ZDHHC21: variants seen among roughly 807,000 people sequenced by gnomAD.
ZDHHC21 encodes palmitoyltransferase ZDHHC21.
Under a neutral mutation model 34.6 loss-of-function variants are expected in ZDHHC21, and 15 were observed. The observed-to-expected ratio is 0.43, with a 90% CI of 0.29 to 0.67. The LOEUF is 0.67. ZDHHC21 is among the 30% of genes least tolerant of loss of function. The probability of loss-of-function intolerance (pLI) is 0.14; values close to 1 mark genes in which losing one functional copy is unlikely to be tolerated. For synonymous variants in ZDHHC21, 142 were observed against 101.8 expected (o/e 1.40, Z -2.38); for missense variants, 344 against 327.7 (o/e 1.05, Z -0.38).
intron 7 of ZDHHC21, among the ~76,000 whole-genome samples, chr9:14,655,605 G>C (rs1832067101): frequency 6.6e-6 from 1 of 151,740 alleles, no homozygotes; most frequent in Non-Finnish European, 1.5e-5. Context: ...GTGCACAATG[G>C]TAAAGTACTA....
chr9:14,654,655 A>C (rs1333684159), intron 7 of ZDHHC21, among the ~76,000 whole-genome samples: 1 of 152,076 alleles, frequency 6.6e-6, no homozygotes, highest in Non-Finnish European at 1.5e-5. Flanking sequence ...TCACCACAGA[A>C]ATTATCAATG....
chr9:14,690,793 A>C (rs1191286451), intron 1 of ZDHHC21, among the ~76,000 whole-genome samples: 2 of 152,250 alleles, frequency 1.3e-5, no homozygotes, highest in African/African-American at 2.4e-5. Flanking sequence ...TGACTTATCA[A>C]GAATTCTTAA....
chr9:14,684,894 T>C (rs570233720), intron 2 of ZDHHC21, among the ~76,000 whole-genome samples: 18 of 152,122 alleles, frequency 1.2e-4, no homozygotes, highest in Admixed American at 3.3e-4. Flanking sequence ...CCAGAAATAA[T>C]AGCACACATC....
the ZDHHC21 span, among the ~76,000 whole-genome samples, chr9:14,602,374 G>C: frequency 6.6e-6 from 1 of 151,948 alleles, no homozygotes; most frequent in African/African-American, 2.4e-5. Context: ...CATCTTGGGA[G>C]TTCCATGAGA....
intron 5 of ZDHHC21, among the ~76,000 whole-genome samples, chr9:14,665,723 C>G (rs1229908195): frequency 1.4e-5 from 2 of 142,314 alleles, no homozygotes; most frequent in Middle Eastern, 3.2e-3. Context: ...AATTTTCAAC[C>G]CAGAATTTCA....
At chr9:14,686,439 C>T (rs1838334948) in intron 2 of ZDHHC21, among the ~76,000 whole-genome samples, 1 of 152,092 alleles carries the variant, frequency 6.6e-6, no homozygotes, top group Admixed American at 6.5e-5. Context: ...CTGGTTACCA[C>T]AGCAACAGCA....
intron 8 of ZDHHC21, among the ~76,000 whole-genome samples, chr9:14,634,215 C>T (rs1827865962): frequency 6.6e-6 from 1 of 152,206 alleles, no homozygotes; most frequent in African/African-American, 2.4e-5. Flanking sequence ...GGCTGGCCCA[C>T]CCAGCCCATT....
the ZDHHC21 span, among the ~76,000 whole-genome samples, chr9:14,597,802 C>T: frequency 2.0e-5 from 3 of 152,142 alleles, no homozygotes; most frequent in Non-Finnish European, 4.4e-5. Flanking sequence ...CTCACCACCA[C>T]CAGCACCTGT....
chr9:14,613,268 G>C lies in ZDHHC21; in HGVS notation c.*5698C>G, dbSNP rs1031095087. The C allele has an allele frequency of 6.6e-6, 1 of 151,812 alleles. No homozygotes were observed. Among genetic ancestry groups the C allele is most frequent in the African/African-American group, 2.4e-5 (1 of 41,404 alleles). 9.4% of individuals were successfully genotyped at this position (151,812 alleles called of 1,614,324 possible). A position where few individuals can be genotyped will look rare whatever the true frequency, so the allele number is the denominator to read the frequency against. On this transcript the variant is annotated 3_prime_UTR_variant, in exon 10 of 10. Transcript: ENST00000380916. ...CTACTTTATAAATACACAACGATGTGAGAAGAAAACTCAGTCAACCAAAAA... is the reference window on the plus strand; with the variant it reads ...CTACTTTATAAATACACAACGATGTCAGAAGAAAACTCAGTCAACCAAAAA...
chr9:14,683,362 G>A (rs1219891380), intron 2 of ZDHHC21, among the ~76,000 whole-genome samples: 2 of 152,118 alleles, frequency 1.3e-5, no homozygotes, highest in Admixed American at 1.3e-4. Context: ...AAATGATAAA[G>A]AGGATATCAC....
the ZDHHC21 span, among the ~76,000 whole-genome samples, chr9:14,596,978 T>C: frequency 1.3e-5 from 2 of 152,194 alleles, no homozygotes; most frequent in African/African-American, 4.8e-5. Context: ...GGAGAAACTT[T>C]CCAGTGCCGG....
At chr9:14,590,307 T>A in the ZDHHC21 span, among the ~76,000 whole-genome samples, 7 of 152,062 alleles carry the variant, frequency 4.6e-5, no homozygotes, top group East Asian at 1.4e-3. Context: ...TAGGTGACAA[T>A]ACTAAGTCAT....
In ZDHHC21 at chr9:14,611,524, G is replaced by A. The variant is rs1209369578; in HGVS notation, c.*7442C>T. ...CTCAGATCTATACATATTATGTACT[G>A]AATAATAAAATGCCTGACAAATTTA... On this transcript the variant is annotated 3_prime_UTR_variant, in exon 10 of 10. Coordinates refer to ENST00000380916, the MANE Select transcript of ZDHHC21 (RefSeq NM_178566.6). 6.6e-6 allele frequency: 1 copy of A among 151,980 alleles called. No individual in the cohort carries two copies. Among genetic ancestry groups the A allele is most frequent in the South Asian group, 2.1e-4 (1 of 4,826 alleles). 9.4% of individuals were successfully genotyped at this position (151,980 alleles called of 1,614,324 possible).
At chr9:14,692,918 T>C (rs549844130) in intron 1 of ZDHHC21, among the ~76,000 whole-genome samples, 1 of 151,796 alleles carries the variant, frequency 6.6e-6, no homozygotes, top group Admixed American at 6.6e-5. Flanking sequence ...AATAAATAAC[T>C]AGCCAACATC....
In ZDHHC21 at chr9:14,664,184, T is replaced by C. The variant is rs559943997; in HGVS notation, c.254-1858A>G. Among the ~76,000 whole-genome samples the C allele has an allele frequency of 1.4e-3, 205 of 149,292 alleles. 2 individuals are homozygous for C. The highest frequency in any genetic ancestry group is 4.3e-3 in the African/African-American group (175 of 40,948). ...GCGCGAGCCGAAGCAGGGCGAGGCA[T>C]TGCCTCACTCGGGAAGCGCAAGGGG... On this transcript the variant is annotated intron_variant, in intron 5 of 9. Coordinates refer to ENST00000380916, the MANE Select transcript of ZDHHC21 (RefSeq NM_178566.6).
chr9:14,626,591 A>T (rs978106701), intron 8 of ZDHHC21, among the ~76,000 whole-genome samples: 3 of 152,000 alleles, frequency 2.0e-5, no homozygotes, highest in African/African-American at 7.2e-5. Flanking sequence ...AGGAACATGC[A>T]TATGCTAAAG....
rs1339250204 is a variant in ZDHHC21, at chr9:14,619,558, C to A, written c.665+81G>T. 3.6e-6 allele frequency: 4 copies of A among 1,101,130 alleles called. No homozygotes were observed. In the Admixed American group the frequency reaches 7.6e-5, roughly 21 times the overall value. 68.2% of individuals were successfully genotyped at this position (1,101,130 alleles called of 1,614,324 possible). A position where few individuals can be genotyped will look rare whatever the true frequency, so the allele number is the denominator to read the frequency against. ...AAAAAGCCATCATTATATTATCTATCTACCATATGCACATATTTCTCAAGT... is the reference window on the plus strand; with the variant it reads ...AAAAAGCCATCATTATATTATCTATATACCATATGCACATATTTCTCAAGT... On this transcript the variant is annotated intron_variant, in intron 9 of 9. Coordinates refer to ENST00000380916, the MANE Select transcript of ZDHHC21 (RefSeq NM_178566.6).
intron 8 of ZDHHC21, among the ~76,000 whole-genome samples, chr9:14,632,278 A>T (rs1375082703): frequency 6.6e-6 from 1 of 152,146 alleles, no homozygotes. Context: ...CAGATAAATA[A>T]AATAGAGTTA....
chr9:14,639,494 C>G (rs1327071698), intron 8 of ZDHHC21, among the ~76,000 whole-genome samples: 2 of 152,046 alleles, frequency 1.3e-5, no homozygotes, highest in Non-Finnish European at 2.9e-5. Flanking sequence ...GTAACTAGCA[C>G]AGAGGACTTG....
Sources: gnomAD v4.1 joint callset for allele counts (sites outside exome capture counted in the v4.1 genomes callset) on GRCh38, gnomAD v4.1.1 for gene constraint, MANE v1.5 for transcripts, NCBI Gene and HGNC (gene_info 2026-07-23, HGNC 2026-07-21) for gene names.